IGBP1C: variants seen among roughly 807,000 people sequenced by gnomAD.
IGBP1C encodes IGBP1 family member C.
At chr17:58,687,331 C>T in the IGBP1C span, among the ~76,000 whole-genome samples, 1 of 152,060 alleles carries the variant, frequency 6.6e-6, no homozygotes, top group African/African-American at 2.4e-5. Context: ...AGCTCAGGGC[C>T]CTTGTCCACT....
At chr17:58,672,823 C>T in the IGBP1C span, among the ~76,000 whole-genome samples, 1 of 151,186 alleles carries the variant, frequency 6.6e-6, no homozygotes, top group African/African-American at 2.4e-5. Flanking sequence ...CCTTTGCCTC[C>T]TGGGTTCAAG....
chr17:58,661,499 GGT>G, the IGBP1C span: 1 of 780,928 alleles, frequency 1.3e-6, no homozygotes, highest in Non-Finnish European at 2.4e-6. Flanking sequence ...GGAACCGGTG[GGT>G]TCAGTCGCTC....
chr17:58,677,216 A>G, the IGBP1C span, among the ~76,000 whole-genome samples: 6 of 152,118 alleles, frequency 3.9e-5, no homozygotes, highest in Non-Finnish European at 8.8e-5. Context: ...CCAGGAGGTC[A>G]AGGCTGCTTT....
chr17:58,688,584 T>C, the IGBP1C span, among the ~76,000 whole-genome samples: 1 of 152,174 alleles, frequency 6.6e-6, no homozygotes, highest in Admixed American at 6.6e-5. Flanking sequence ...ACTGTATATG[T>C]GTTAATTTAA....
the IGBP1C span, among the ~76,000 whole-genome samples, chr17:58,684,195 C>CG: frequency 2.0e-5 from 3 of 149,696 alleles, no homozygotes; most frequent in Non-Finnish European, 4.5e-5. Flanking sequence ...TGGTGACTCA[C>CG]GTGAGCCTAT....
chr17:58,678,597 T>G, the IGBP1C span, among the ~76,000 whole-genome samples: 1 of 151,900 alleles, frequency 6.6e-6, no homozygotes, highest in Non-Finnish European at 1.5e-5. Flanking sequence ...CACCGTATGT[T>G]CTCACTCATA....
the IGBP1C span, among the ~76,000 whole-genome samples, chr17:58,681,366 G>A: frequency 6.6e-6 from 1 of 152,154 alleles, no homozygotes; most frequent in Non-Finnish European, 1.5e-5. Flanking sequence ...GGACAAGGAG[G>A]TAGGGGATTC....
the IGBP1C span, among the ~76,000 whole-genome samples, chr17:58,673,637 C>T: frequency 1.3e-5 from 2 of 152,122 alleles, no homozygotes; most frequent in African/African-American, 4.8e-5. Context: ...TTTCAGCTCA[C>T]TGCATCCTCA....
chr17:58,671,729 T>C, the IGBP1C span, among the ~76,000 whole-genome samples: 4 of 152,220 alleles, frequency 2.6e-5, no homozygotes, highest in African/African-American at 9.6e-5. Context: ...ATCAGAAATA[T>C]ATTTTAAAAA....
the IGBP1C span, chr17:58,666,477 A>C: frequency 6.7e-6 from 1 of 149,072 alleles, no homozygotes; most frequent in African/African-American, 2.5e-5. Context: ...AAAAAAAAAA[A>C]AAAAAAAAAA....
At chr17:58,666,414 T>C in the IGBP1C span, 1 of 122,788 alleles carries the variant, frequency 8.1e-6, no homozygotes, top group African/African-American at 3.1e-5. Flanking sequence ...CGGATGCCAC[T>C]GCACTCCAGC....
At chr17:58,691,762 C>G in the IGBP1C span, among the ~76,000 whole-genome samples, 5 of 151,662 alleles carry the variant, frequency 3.3e-5, no homozygotes, top group African/African-American at 1.2e-4. Flanking sequence ...ACTCATAAAC[C>G]ACCTTCTAAA....
chr17:58,672,879 G>C, the IGBP1C span, among the ~76,000 whole-genome samples: 1 of 151,028 alleles, frequency 6.6e-6, no homozygotes, highest in African/African-American at 2.4e-5. Flanking sequence ...TTACAGATGC[G>C]TGCCACCATG....
chr17:58,668,785 A>G, the IGBP1C span, among the ~76,000 whole-genome samples: 12 of 152,174 alleles, frequency 7.9e-5, no homozygotes, highest in African/African-American at 2.7e-4. Flanking sequence ...GTGAACTGCT[A>G]TGCGAGGTAA....
chr17:58,661,600 C>T, the IGBP1C span: 1 of 713,842 alleles, frequency 1.4e-6, no homozygotes. Flanking sequence ...CAGCTGCCAT[C>T]TTGGGAAGGC....
At chr17:58,682,274 T>TG in the IGBP1C span, among the ~76,000 whole-genome samples, 8 of 149,952 alleles carry the variant, frequency 5.3e-5, no homozygotes, top group African/African-American at 9.8e-5. Flanking sequence ...TTTTTTTTTT[T>TG]TGTGACAGAG....
chr17:58,686,228 C>G, the IGBP1C span, among the ~76,000 whole-genome samples: 1 of 152,012 alleles, frequency 6.6e-6, no homozygotes, highest in African/African-American at 2.4e-5. Context: ...GTCTCAGCTT[C>G]TTAGGAGGCA....
At chr17:58,678,083 GA>G in the IGBP1C span, among the ~76,000 whole-genome samples, 1 of 152,220 alleles carries the variant, frequency 6.6e-6, no homozygotes, top group African/African-American at 2.4e-5. Context: ...CTGGTAGGCA[GA>G]GGTTGCAGTG....
At chr17:58,674,091 T>C in the IGBP1C span, among the ~76,000 whole-genome samples, 3 of 152,014 alleles carry the variant, frequency 2.0e-5, no homozygotes, top group East Asian at 1.9e-4. Context: ...CTGGCCAACA[T>C]GGTGAAACCC....
Sources: allele counts gnomAD v4.1 joint callset (sites outside exome capture counted in the v4.1 genomes callset), GRCh38; gene constraint gnomAD v4.1.1; transcripts MANE v1.5; gene names NCBI Gene and HGNC (gene_info 2026-07-23, HGNC 2026-07-21).